Variants in CNKSR3 observed in about 807,000 individuals in gnomAD.
CNKSR3 encodes CNKSR family member 3, also known as connector enhancer of kinase suppressor of ras 3.
A neutral mutation model predicts 67.7 loss-of-function variants in CNKSR3; 36 were observed. That is an observed-to-expected ratio of 0.53 (90% CI 0.41 to 0.70). The LOEUF is 0.70. Ranked by LOEUF, CNKSR3 falls within the 30% of genes least tolerant of loss-of-function variation. CNKSR3 has a pLI of 0.00. For synonymous variants in CNKSR3, 281 were observed against 271.4 expected (o/e 1.04, Z -0.35); for missense variants, 630 against 695.2 (o/e 0.91, Z 1.05).
At chr6:154,468,680 T>C (rs1786261672) in intron 1 of CNKSR3, among the ~76,000 whole-genome samples, 1 of 151,956 alleles carries the variant, frequency 6.6e-6, no homozygotes, top group South Asian at 2.1e-4. Context: ...AGTAAATAAC[T>C]ACTGAATGAA....
At chr6:154,457,068 G>A (rs1339140971) in intron 1 of CNKSR3, among the ~76,000 whole-genome samples, 1 of 152,076 alleles carries the variant, frequency 6.6e-6, no homozygotes, top group African/African-American at 2.4e-5. Context: ...TAGCCTTCCC[G>A]ACTTACTGAC....
chr6:154,419,507 G>A (rs1365490562), intron 9 of CNKSR3, among the ~76,000 whole-genome samples: 1 of 152,212 alleles, frequency 6.6e-6, no homozygotes, highest in Non-Finnish European at 1.5e-5. Context: ...GGTAAGTGGT[G>A]ATAAGGATGT....
intron 1 of CNKSR3, among the ~76,000 whole-genome samples, chr6:154,468,935 C>T (rs561770760): frequency 2.6e-5 from 4 of 152,286 alleles, no homozygotes; most frequent in East Asian, 3.9e-4. Flanking sequence ...GTGGGAGGAT[C>T]GCTTGAGCCC....
intron 11 of CNKSR3, 62 bp downstream of exon 11, chr6:154,410,872 G>T (rs2275339): frequency 0.035 from 45,953 of 1,312,848 alleles, 978 homozygotes; most frequent in Middle Eastern, 0.065. Context: ...TCCAACTAAG[G>T]CAGGGGGCGG....
intron 1 of CNKSR3, among the ~76,000 whole-genome samples, chr6:154,493,566 G>T (rs953849340): frequency 6.6e-5 from 10 of 152,176 alleles, no homozygotes; most frequent in African/African-American, 1.9e-4. Context: ...TGGGTGAGGG[G>T]AGTTGGAGTT....
rs1784698105 is a variant in CNKSR3 at position 154,399,895 on chromosome 6, T to A, written c.*6459A>T. ...AATAAAGTTAAATCCTCCCCTTTAA[T>A]GGGTCTAGTCAGTGGAAGAACATTT... On this transcript the variant is annotated 3_prime_UTR_variant, in exon 13 of 13. Coordinates refer to ENST00000607772, the MANE Select transcript of CNKSR3 (RefSeq NM_173515.4). 1 of 152,196 alleles carries A rather than the reference T, an allele frequency of 6.6e-6. No homozygotes were observed. Among genetic ancestry groups the A allele is most frequent in the Non-Finnish European group, 1.5e-5 (1 of 68,040 alleles). 9.4% of individuals were successfully genotyped at this position (152,196 alleles called of 1,614,324 possible). A position where few individuals can be genotyped will look rare whatever the true frequency, so the allele number is the denominator to read the frequency against.
intron 5 of CNKSR3, among the ~76,000 whole-genome samples, chr6:154,431,270 T>C (rs1281734643): frequency 6.6e-6 from 1 of 151,510 alleles, no homozygotes; most frequent in Admixed American, 6.6e-5. Flanking sequence ...ATGGCAAAAC[T>C]CCATCTCTAC....
At chr6:154,462,617 T>A (rs1333465666) in intron 1 of CNKSR3, among the ~76,000 whole-genome samples, 1 of 152,144 alleles carries the variant, frequency 6.6e-6, no homozygotes, top group Non-Finnish European at 1.5e-5. Context: ...CATTCTCCCC[T>A]AACCACTATG....
intron 1 of CNKSR3, among the ~76,000 whole-genome samples, chr6:154,480,439 T>C (rs1786542560): frequency 6.6e-6 from 1 of 152,224 alleles, no homozygotes; most frequent in African/African-American, 2.4e-5. Context: ...GCACCTGTTC[T>C]GGTGTGTGTG....
rs1372802757 is a variant in CNKSR3 at position 154,414,368 on chromosome 6, A to T, written c.1001T>A (p.Leu334Gln). The T allele has an allele frequency of 6.2e-7, 1 of 1,612,092 alleles. No individual in the cohort carries two copies. The highest frequency in any genetic ancestry group is 1.1e-5 in the South Asian group (1 of 90,630). ...QSPESTMDTS[L>Q]KKEKSAILDL... Reference sequence around the variant, plus strand: ...CAGGATGGCTGACTTCTCCTTCTTCAGTGAGGTATCCATAGTGCTTTCAGG... The same window carrying T: ...CAGGATGGCTGACTTCTCCTTCTTCTGTGAGGTATCCATAGTGCTTTCAGG... The change falls in exon 10 of 13, where the codon CTG (leucine) becomes CAG (glutamine). Residue 334 changes from leucine to glutamine, a missense_variant. Leu to Gln is a moderately radical substitution (Grantham distance 113). Transcript: ENST00000607772.
At chr6:154,458,623 T>TCC (rs1323269971) in intron 1 of CNKSR3, among the ~76,000 whole-genome samples, 1 of 151,982 alleles carries the variant, frequency 6.6e-6, no homozygotes, top group African/African-American at 2.4e-5. Flanking sequence ...TACAGCCCCG[T>TCC]CCCCAGCTGC....
chr6:154,444,588 C>T (rs987883284), intron 2 of CNKSR3, among the ~76,000 whole-genome samples: 1 of 152,010 alleles, frequency 6.6e-6, no homozygotes, highest in African/African-American at 2.4e-5. Flanking sequence ...CTACACATCC[C>T]CTCTGAAGTG....
rs1373964552 is a variant in CNKSR3, at chr6:154,443,654, C to A, written c.217-1364G>T. On this transcript the variant is annotated intron_variant, in intron 2 of 12. Transcript: ENST00000607772. Reference sequence around the variant, plus strand: ...GGATTTCCACCAGGCGAGACACTCACACAAAAAAAAACACAGCAGCACTAA... The same window carrying A: ...GGATTTCCACCAGGCGAGACACTCAAACAAAAAAAAACACAGCAGCACTAA... 4.6e-5 allele frequency among the ~76,000 whole-genome samples: 7 copies of A among 151,826 alleles called. No homozygotes were observed. The East Asian group carries it at 1.4e-3, about 29-fold the overall frequency.
chr6:154,486,314 TA>T (rs1786664906), intron 1 of CNKSR3, among the ~76,000 whole-genome samples: 1 of 150,500 alleles, frequency 6.6e-6, no homozygotes, highest in Admixed American at 6.6e-5. Context: ...TTTTTTTTTT[TA>T]GACGGAGTCT....
At chr6:154,449,960 T>C (rs1186876862) in intron 2 of CNKSR3, 135 bp downstream of exon 2, 1 of 877,542 alleles carries the variant, frequency 1.1e-6, no homozygotes, top group Non-Finnish European at 1.7e-6. Flanking sequence ...CTTCCTATAG[T>C]ATCTTCAGCT....
In CNKSR3 at chr6:154,410,961, T is replaced by C. The variant is rs752518830; in HGVS notation, c.1252A>G (p.Lys418Glu). The C allele has an allele frequency of 6.2e-7, 1 of 1,612,874 alleles. No homozygotes were observed. The highest frequency in any genetic ancestry group is 1.1e-5 in the South Asian group (1 of 90,924). ...TAAGATGGTGTTTTCTCTCTCATTT[T>C]TGTGGGCAGAATGTTGGTTTCCACC... Reference protein sequence around the residue: ...YSVETNILPTKMREKTPSYGK... With the variant: ...YSVETNILPTEMREKTPSYGK... Residue 418 changes from lysine to glutamate, a missense_variant, in exon 11 of 13, where the codon AAA becomes GAA. By Grantham distance (56) the Lys-to-Glu change is moderately conservative. This residue lies in a region of CNKSR3 where 308 missense variants were observed against 299.6 expected (regional missense o/e 1.03). Coordinates refer to ENST00000607772, the MANE Select transcript of CNKSR3 (RefSeq NM_173515.4).
chr6:154,446,861 G>A (rs1487585312), intron 2 of CNKSR3, among the ~76,000 whole-genome samples: 4 of 147,124 alleles, frequency 2.7e-5, no homozygotes, highest in African/African-American at 7.6e-5. Flanking sequence ...CTGGAGCGCA[G>A]TGGCATGATC....
At chr6:154,453,777 T>A (rs1388883815) in intron 1 of CNKSR3, among the ~76,000 whole-genome samples, 1 of 152,184 alleles carries the variant, frequency 6.6e-6, no homozygotes, top group African/African-American at 2.4e-5. Flanking sequence ...AGTAAACTGA[T>A]CTAACAGTCT....
intron 7 of CNKSR3, among the ~76,000 whole-genome samples, chr6:154,426,388 C>G (rs531622603): frequency 1.5e-5 from 2 of 135,792 alleles, no homozygotes; most frequent in East Asian, 4.6e-4. Flanking sequence ...GAGACAGAGT[C>G]TTGCTCTGTC....
Sources: allele counts gnomAD v4.1 joint callset (sites outside exome capture counted in the v4.1 genomes callset), GRCh38; gene constraint gnomAD v4.1.1; regional missense constraint gnomAD v4.1.1; transcripts MANE v1.5; gene names NCBI Gene and HGNC (gene_info 2026-07-23, HGNC 2026-07-21).